PRELID2: variants seen among roughly 807,000 people sequenced by gnomAD.
The protein encoded by PRELID2 is PRELI domain containing 2, also known as PRELI domain-containing protein 2.
PRELID2 carries 25 observed loss-of-function variants against 28.4 expected under a neutral mutation model. That is an observed-to-expected ratio of 0.88 (90% CI 0.64 to 1.23). The LOEUF is 1.23. Ranked by LOEUF, PRELID2 falls within the 50% of genes most tolerant of loss-of-function variation. The pLI, the probability that PRELID2 is intolerant of heterozygous loss-of-function variation, is 0.00. For synonymous variants in PRELID2, 76 were observed against 71.6 expected (o/e 1.06, Z -0.31); for missense variants, 201 against 214.4 (o/e 0.94, Z 0.39).
At chr5:145,701,579 C>T (rs1386507756) in intron 1 of PRELID2, among the ~76,000 whole-genome samples, 1 of 152,156 alleles carries the variant, frequency 6.6e-6, no homozygotes, top group Non-Finnish European at 1.5e-5. Flanking sequence ...ATGTAATTCC[C>T]TGTGTCAAAC....
intron 1 of PRELID2, among the ~76,000 whole-genome samples, chr5:145,605,024 G>A (rs1411343293): frequency 6.7e-6 from 1 of 149,604 alleles, no homozygotes; most frequent in Non-Finnish European, 1.5e-5. Flanking sequence ...GGGTTGTTTG[G>A]TTTTTGCTTG....
At chr5:145,588,468 T>C (rs79028096) in intron 1 of PRELID2, among the ~76,000 whole-genome samples, 1 of 152,178 alleles carries the variant, frequency 6.6e-6, no homozygotes, top group Non-Finnish European at 1.5e-5. Context: ...TAAGTATGAA[T>C]GAATGAATAG....
At chr5:145,823,750 C>T (rs1001768124) in intron 1 of PRELID2, among the ~76,000 whole-genome samples, 1 of 152,156 alleles carries the variant, frequency 6.6e-6, no homozygotes, top group African/African-American at 2.4e-5. Context: ...ATAGTAAATA[C>T]TCAATAAATA....
the PRELID2 span, among the ~76,000 whole-genome samples, chr5:145,377,685 AC>A: frequency 1.8e-4 from 28 of 151,734 alleles, no homozygotes; most frequent in Admixed American, 1.4e-3. Flanking sequence ...TAGGATTGCA[AC>A]CCCGTTTTCT....
At chr5:145,386,418 T>G in the PRELID2 span, among the ~76,000 whole-genome samples, 1 of 152,094 alleles carries the variant, frequency 6.6e-6, no homozygotes, top group African/African-American at 2.4e-5. Context: ...GTTCTCAGGA[T>G]AATGAGTGAG....
At chr5:145,776,404 T>C (rs997152143) in intron 5 of PRELID2, among the ~76,000 whole-genome samples, 1 of 152,166 alleles carries the variant, frequency 6.6e-6, no homozygotes, top group East Asian at 1.9e-4. Context: ...AATTCAGATA[T>C]GTTGAAGAGA....
chr5:145,482,142 T>C (rs1035335300), intron 1 of PRELID2, among the ~76,000 whole-genome samples: 1 of 152,170 alleles, frequency 6.6e-6, no homozygotes, highest in Admixed American at 6.5e-5. Flanking sequence ...TGTTGTGCTA[T>C]GTGCTTCAAG....
At chr5:145,439,150 G>A in the PRELID2 span, among the ~76,000 whole-genome samples, 1 of 152,152 alleles carries the variant, frequency 6.6e-6, no homozygotes, top group African/African-American at 2.4e-5. Context: ...TCTCAAATGT[G>A]TGGGATCAGA....
chr5:145,535,925 G>A lies in PRELID2; in HGVS notation n.71-62610C>T, dbSNP rs570003056. ...GGTATTTAAAGGTTGATATTTAAATGATTTGACATTTCCATTACAACCAAT... is the reference window on the plus strand; with the variant it reads ...GGTATTTAAAGGTTGATATTTAAATAATTTGACATTTCCATTACAACCAAT... On this transcript the variant is annotated intron_variant and non_coding_transcript_variant, in intron 1 of 2. Transcript: ENST00000510259. 1.4e-4 allele frequency among the ~76,000 whole-genome samples: 22 copies of A among 152,056 alleles called. 1 individual carries two copies. Among genetic ancestry groups the A allele is most frequent in the Middle Eastern group, 3.4e-3 (1 of 294 alleles).
chr5:145,795,075 A>G (rs1010003572), intron 5 of PRELID2: 1 of 152,164 alleles, frequency 6.6e-6, no homozygotes, highest in Non-Finnish European at 1.5e-5. Flanking sequence ...TAGCTGTATT[A>G]TAAAAAAATT....
At chr5:145,301,405 T>C in the PRELID2 span, among the ~76,000 whole-genome samples, 1 of 152,202 alleles carries the variant, frequency 6.6e-6, no homozygotes, top group South Asian at 2.1e-4. Flanking sequence ...ATCCTTCAAT[T>C]ATTATTGAAT....
intron 1 of PRELID2, among the ~76,000 whole-genome samples, chr5:145,527,865 C>T (rs1752622549): frequency 6.6e-6 from 1 of 152,066 alleles, no homozygotes. Flanking sequence ...ACAAAATAAG[C>T]ACCCCGAAAG....
chr5:145,568,995 C>T (rs1752992942), intron 1 of PRELID2, among the ~76,000 whole-genome samples: 1 of 152,168 alleles, frequency 6.6e-6, no homozygotes. Flanking sequence ...TTGAAACTTT[C>T]CTATTTTCAT....
the PRELID2 span, among the ~76,000 whole-genome samples, chr5:145,238,063 C>T: frequency 6.6e-6 from 1 of 152,014 alleles, no homozygotes; most frequent in African/African-American, 2.4e-5. Flanking sequence ...AAAGACCTAC[C>T]CTCCAACAAC....
chr5:145,256,552 C>T, the PRELID2 span, among the ~76,000 whole-genome samples: 3 of 151,818 alleles, frequency 2.0e-5, no homozygotes, highest in Non-Finnish European at 1.5e-5. Flanking sequence ...TATACAAATC[C>T]CAGGAATTAG....
the PRELID2 span, among the ~76,000 whole-genome samples, chr5:145,333,817 T>C: frequency 4.4e-5 from 3 of 68,446 alleles, no homozygotes; most frequent in Admixed American, 2.9e-4. Flanking sequence ...CACTGGAGTA[T>C]ACAAAAAAAA....
chr5:145,621,519 T>C (rs1753773894), intron 1 of PRELID2, among the ~76,000 whole-genome samples: 1 of 152,172 alleles, frequency 6.6e-6, no homozygotes, highest in Non-Finnish European at 1.5e-5. Flanking sequence ...AACTGCTGAA[T>C]AGATAAATTA....
At chr5:145,746,147 T>A (rs1393219774) in intron 1 of PRELID2, among the ~76,000 whole-genome samples, 2 of 152,052 alleles carry the variant, frequency 1.3e-5, no homozygotes, top group East Asian at 3.9e-4. Flanking sequence ...GATGACCAGA[T>A]CAAATTCATA....
the PRELID2 span, among the ~76,000 whole-genome samples, chr5:145,422,618 C>T: frequency 2.0e-5 from 3 of 151,800 alleles, no homozygotes; most frequent in African/African-American, 7.3e-5. Context: ...TTATTTTGAG[C>T]CTATGTGTGT....
Sources: gnomAD v4.1 joint callset for allele counts (sites outside exome capture counted in the v4.1 genomes callset) on GRCh38, gnomAD v4.1.1 for gene constraint, MANE v1.5 for transcripts, NCBI Gene and HGNC (gene_info 2026-07-23, HGNC 2026-07-21) for gene names.